PLEKHG7: variants seen among roughly 807,000 people sequenced by gnomAD.
PLEKHG7 encodes pleckstrin homology domain-containing family G member 7.
A neutral mutation model predicts 85.2 loss-of-function variants in PLEKHG7; 77 were observed. That is an observed-to-expected ratio of 0.90 (90% CI 0.75 to 1.09). PLEKHG7 has a LOEUF of 1.09. PLEKHG7 is among the 50% of genes least tolerant of loss of function. The pLI is 0.00. For missense variants in PLEKHG7, 777 were observed against 804.3 expected (o/e 0.97, Z 0.41); for synonymous variants, 301 against 302.4 (o/e 1.00, Z 0.05).
chr12:92,742,721 G>A (rs1379422018), intron 9 of PLEKHG7, among the ~76,000 whole-genome samples: 2 of 151,912 alleles, frequency 1.3e-5, no homozygotes, highest in African/African-American at 4.8e-5. Context: ...AAGTAGCTGG[G>A]ATTAAAAGCA....
At chr12:92,723,926 A>C (rs1871719820) in intron 3 of PLEKHG7, among the ~76,000 whole-genome samples, 1 of 152,204 alleles carries the variant, frequency 6.6e-6, no homozygotes, top group Admixed American at 6.5e-5. Context: ...ACTAGAGTGT[A>C]TACATCTAGA....
chr12:92,725,959 C>T (rs554612798), intron 3 of PLEKHG7, among the ~76,000 whole-genome samples: 6 of 152,160 alleles, frequency 3.9e-5, no homozygotes, highest in African/African-American at 7.2e-5. Context: ...AGAATCTCCA[C>T]GGTGGGACTT....
intron 13 of PLEKHG7, among the ~76,000 whole-genome samples, chr12:92,757,541 G>T (rs1872868618): frequency 6.6e-6 from 1 of 152,170 alleles, no homozygotes; most frequent in African/African-American, 2.4e-5. Flanking sequence ...CCTGGCAGCT[G>T]TTAAATAAGG....
At chr12:92,744,046 C>T (rs1377318746) in intron 9 of PLEKHG7, among the ~76,000 whole-genome samples, 1 of 152,202 alleles carries the variant, frequency 6.6e-6, no homozygotes, top group Non-Finnish European at 1.5e-5. Flanking sequence ...GAAGCCAAAA[C>T]TTGACATTGC....
chr12:92,733,401 T>C (rs1872049760), intron 5 of PLEKHG7, among the ~76,000 whole-genome samples: 1 of 152,212 alleles, frequency 6.6e-6, no homozygotes. Flanking sequence ...GCCAAGTGTA[T>C]GATTGACTTT....
chr12:92,707,451 T>C, intron 2 of PLEKHG7, 199 bp from the exon 3 acceptor site: 1 of 1,434,714 alleles, frequency 7.0e-7, no homozygotes. Flanking sequence ...CTCTTGCAAA[T>C]GCACACTATT....
At chr12:92,722,836 C>A (rs1004644293) in intron 3 of PLEKHG7, among the ~76,000 whole-genome samples, 1 of 152,180 alleles carries the variant, frequency 6.6e-6, no homozygotes, top group Non-Finnish European at 1.5e-5. Context: ...ATTCAACAAG[C>A]TTATCTGAAT....
chr12:92,711,986 G>A lies in PLEKHG7; in HGVS notation c.530+4314G>A, dbSNP rs979512674. ...TTCTTGGTTTGAGGAGGGGCCAAAT[G>A]TAGCAACTTATCTTTCACTTTAGAA... On this transcript the variant is annotated intron_variant, in intron 3 of 16. Transcript: ENST00000344636. Among the ~76,000 whole-genome samples the A allele has an allele frequency of 3.3e-5, 5 of 152,204 alleles. No homozygotes were observed. In the South Asian group the frequency reaches 6.2e-4, roughly 19 times the overall value.
intron 3 of PLEKHG7, among the ~76,000 whole-genome samples, chr12:92,715,283 G>A (rs571888727): frequency 2.0e-5 from 3 of 152,090 alleles, no homozygotes; most frequent in South Asian, 4.2e-4. Context: ...AGATTTGCTG[G>A]CAGCTGATTA....
chr12:92,761,626 GAAAGAAAGAAAGAAAGA>G lies in PLEKHG7; in HGVS notation c.1637-123_1637-107del, dbSNP rs1565797493. The G allele has an allele frequency of 6.1e-5, 4 of 65,480 alleles. No homozygotes were observed. In the Admixed American group the frequency reaches 2.9e-3, roughly 47 times the overall value. The allele number at this position is 65,480 out of a possible 1,614,324, so 4.1% of individuals were successfully genotyped here. ...GAAAGAAAAAGAAAGAAAGAAAGAA[GAAAGAAAGAAAGAAAGA>G]AAGAAAGAAAGAAAGAAAGAAAGAA... On this transcript the variant is annotated intron_variant, in intron 13 of 16. Coordinates refer to ENST00000344636, the MANE Select transcript of PLEKHG7 (RefSeq NM_001377329.1).
chr12:92,735,423 C>A (rs1041259009), intron 5 of PLEKHG7, among the ~76,000 whole-genome samples: 4 of 152,192 alleles, frequency 2.6e-5, no homozygotes, highest in Non-Finnish European at 4.4e-5. Context: ...GAGCCCCCTA[C>A]CTGCAACAGC....
intron 13 of PLEKHG7, 96 bp from the exon 14 acceptor site, chr12:92,761,650 GAAAGAA>G (rs776071728): frequency 8.6e-6 from 10 of 1,168,146 alleles, no homozygotes; most frequent in Non-Finnish European, 1.1e-5. Flanking sequence ...AAGAAAGAAA[GAAAGAA>G]AGAAAGAAAG....
intron 13 of PLEKHG7, 118 bp from the exon 14 acceptor site, chr12:92,761,631 AAAG>A: frequency 6.4e-6 from 1 of 155,382 alleles, no homozygotes; most frequent in South Asian, 1.6e-4. Context: ...AAGAAGAAAG[AAAG>A]AAAGAAAGAA....
intron 3 of PLEKHG7, among the ~76,000 whole-genome samples, chr12:92,710,763 T>C (rs147912781): frequency 6.6e-6 from 1 of 152,294 alleles, no homozygotes; most frequent in Non-Finnish European, 1.5e-5. Context: ...ACTGAGCTTA[T>C]GAGTAACCTC....
At chr12:92,724,243 T>C (rs986237817) in intron 3 of PLEKHG7, among the ~76,000 whole-genome samples, 12 of 152,204 alleles carry the variant, frequency 7.9e-5, no homozygotes. Context: ...GTGTCCTGTA[T>C]GCAATATGAT....
At chr12:92,765,346 T>G (rs1401324231) in intron 15 of PLEKHG7, among the ~76,000 whole-genome samples, 6 of 99,614 alleles carry the variant, frequency 6.0e-5, no homozygotes, top group Non-Finnish European at 8.2e-5. Flanking sequence ...AAAAAAAAAA[T>G]AGGCTGGGCG....
At chr12:92,762,347 G>A (rs1328290492) in intron 14 of PLEKHG7, among the ~76,000 whole-genome samples, 1 of 152,026 alleles carries the variant, frequency 6.6e-6, no homozygotes, top group Non-Finnish European at 1.5e-5. Context: ...GAGGAGAGAG[G>A]GAGCCCTGAT....
chr12:92,727,931 T>A (rs1349377760), intron 3 of PLEKHG7, among the ~76,000 whole-genome samples: 3 of 84,878 alleles, frequency 3.5e-5, no homozygotes, highest in Non-Finnish European at 7.9e-5. Context: ...TTCTATGGTG[T>A]GTGTGTGTGT....
chr12:92,729,649 T>A (rs1053474209), intron 4 of PLEKHG7, among the ~76,000 whole-genome samples: 17 of 152,050 alleles, frequency 1.1e-4, no homozygotes, highest in African/African-American at 4.1e-4. Context: ...ACAATTAGGG[T>A]CTTCAGAGTG....
Sources: gnomAD v4.1 joint callset for allele counts (sites outside exome capture counted in the v4.1 genomes callset) on GRCh38, gnomAD v4.1.1 for gene constraint, MANE v1.5 for transcripts, NCBI Gene and HGNC (gene_info 2026-07-23, HGNC 2026-07-21) for gene names.